LPAR5: variants seen among roughly 807,000 people sequenced by gnomAD.
LPAR5 encodes the protein lysophosphatidic acid receptor 5.
For synonymous variants in LPAR5, 271 were observed against 261.6 expected, an observed-to-expected ratio of 1.04 and a Z score of -0.35; for missense variants, 544 against 521.8, an observed-to-expected ratio of 1.04 and a Z score of -0.41.
Position 6,619,718 on chromosome 12 carries a change from CAG to C in LPAR5, c.*410_*411del, listed in dbSNP as rs1948870338. On this transcript the variant is annotated 3_prime_UTR_variant, in exon 2 of 2. Coordinates refer to ENST00000329858, the MANE Select transcript of LPAR5 (RefSeq NM_020400.6). ...GAAGTCAGCAGATGAACAGGCATCT[CAG>C]TAGCTTTGTCCACCAAACCTGGTGC... 2.8e-6 allele frequency: 1 copy of C among 363,368 alleles called. No individual in the cohort carries two copies. The highest frequency in any genetic ancestry group is 3.7e-5 in the Admixed American group (1 of 26,834). 22.5% of individuals were successfully genotyped at this position (363,368 alleles called of 1,614,324 possible).
chr12:6,632,092 C>T (rs141230209), intron 1 of LPAR5, among the ~76,000 whole-genome samples: 3,507 of 152,296 alleles, frequency 0.023, 62 homozygotes, highest in Non-Finnish European at 0.034. Context: ...CTGCCTCAGC[C>T]CCCTGAGTAG....
Position 6,635,665 on chromosome 12 carries a change from G to A in LPAR5, c.-217+242C>T, listed in dbSNP as rs115774982. On this transcript the variant is annotated intron_variant, in intron 1 of 1. Transcript: ENST00000329858. ...GCCTCTGCGAGATGCCCCAGAGTGG[G>A]GGCTTCAAGCATCAAAGAGGAGCAC... 4.0e-3 allele frequency among the ~76,000 whole-genome samples: 612 copies of A among 152,302 alleles called. 4 individuals are homozygous for A. The highest frequency in any genetic ancestry group is 0.014 in the African/African-American group (601 of 41,548).
chr12:6,632,486 T>C (rs770533048), intron 1 of LPAR5, among the ~76,000 whole-genome samples: 6 of 152,174 alleles, frequency 3.9e-5, no homozygotes, highest in Admixed American at 6.5e-5. Context: ...ACCCACTCGC[T>C]GAATTAGCGA....
At chr12:6,630,895 G>T (rs574146644) in intron 1 of LPAR5, among the ~76,000 whole-genome samples, 20 of 152,336 alleles carry the variant, frequency 1.3e-4, no homozygotes, top group African/African-American at 4.8e-4. Flanking sequence ...GAGCCCTGGG[G>T]CTCCCTTCAG....
Position 6,620,327 on chromosome 12 carries a change from G to C in LPAR5, c.922C>G (p.Leu308Val). Residue 308 changes from leucine to valine, a missense_variant, in exon 2 of 2, where the codon CTG becomes GTG. By Grantham distance (32) the Leu-to-Val change is conservative. Transcript: ENST00000329858. The surrounding 1 kb of genome is among the most constrained non-coding windows in gnomAD (Gnocchi z 6.8). ...YFSAEGFRNT[L>V]RGLGTPHRAR... Reference sequence around the variant, plus strand: ...CGGTGCGGAGTGCCCAGGCCGCGCAGGGTGTTGCGGAAGCCCTCGGCGCTA... The same window carrying C: ...CGGTGCGGAGTGCCCAGGCCGCGCACGGTGTTGCGGAAGCCCTCGGCGCTA... The C allele has an allele frequency of 6.2e-7, 1 of 1,609,774 alleles. No individual in the cohort carries two copies. Among genetic ancestry groups the C allele is most frequent in the South Asian group, 1.1e-5 (1 of 90,762 alleles).
Position 6,619,855 on chromosome 12 carries a change from C to T in LPAR5, c.*275G>A, listed in dbSNP as rs1343113062. The T allele has an allele frequency of 2.1e-5, 13 of 630,572 alleles. No individual in the cohort carries two copies. In the Admixed American group the frequency reaches 2.2e-4, roughly 11 times the overall value. 39.1% of individuals were successfully genotyped at this position (630,572 alleles called of 1,614,324 possible). A position where few individuals can be genotyped will look rare whatever the true frequency, so the allele number is the denominator to read the frequency against. On this transcript the variant is annotated 3_prime_UTR_variant, in exon 2 of 2. Coordinates refer to ENST00000329858, the MANE Select transcript of LPAR5 (RefSeq NM_020400.6). ...CCCTGCCCACCCAAAGGCATTTCGT[C>T]CTCTTCTGCCCTCTGCACGGGTGGG...
In LPAR5 at chr12:6,621,439, G is replaced by T; in HGVS notation, c.-191C>A. The stretch of plus-strand genomic sequence containing the variant: ...GGCTGCCAAGGGTTGGGTGCGTTTG[G>T]TCACAGCTTCATCAGCAGCAGAGAC... On this transcript the variant is annotated 5_prime_UTR_variant, in exon 2 of 2. Coordinates refer to ENST00000329858, the MANE Select transcript of LPAR5 (RefSeq NM_020400.6). 2.1e-6 allele frequency: 1 copy of T among 478,956 alleles called. No individual in the cohort carries two copies. The highest frequency in any genetic ancestry group is 3.6e-6 in the Non-Finnish European group (1 of 280,990). The allele number at this position is 478,956 out of a possible 1,614,324, so 29.7% of individuals were successfully genotyped here. A position where few individuals can be genotyped will look rare whatever the true frequency, so the allele number is the denominator to read the frequency against.
At chr12:6,625,497 G>A (rs1478148056) in intron 1 of LPAR5, among the ~76,000 whole-genome samples, 6 of 151,228 alleles carry the variant, frequency 4.0e-5, no homozygotes, top group East Asian at 2.0e-4. Flanking sequence ...CAAGGCGGGC[G>A]GATCACAAGG....
At chr12:6,632,828 G>A (rs1003212707) in intron 1 of LPAR5, among the ~76,000 whole-genome samples, 9 of 152,304 alleles carry the variant, frequency 5.9e-5, no homozygotes, top group Admixed American at 5.9e-4. Context: ...GGTGGGCGGG[G>A]AGGCCTCCTT....
intron 1 of LPAR5, among the ~76,000 whole-genome samples, chr12:6,627,803 A>G (rs1442860416): frequency 1.3e-5 from 2 of 151,800 alleles, no homozygotes; most frequent in African/African-American, 2.4e-5. Context: ...CTTAACAGGA[A>G]ATCCACCCTC....
chr12:6,620,603 A>C lies in LPAR5; in HGVS notation c.646T>G (p.Trp216Gly). ...AVVYSSGRVFWTLARPDATQS... is the reference protein window; with the variant it reads ...AVVYSSGRVFGTLARPDATQS... ...GTGGCGTCGGGGCGCGCCAGCGTCCAGAAGACTCGGCCCGACGAGTAGACC... is the reference window on the plus strand; with the variant it reads ...GTGGCGTCGGGGCGCGCCAGCGTCCCGAAGACTCGGCCCGACGAGTAGACC... The change falls in exon 2 of 2, where the codon TGG (tryptophan) becomes GGG (glycine). Residue 216 changes from tryptophan to glycine, a missense_variant. Physicochemically the swap from Trp to Gly is radical, Grantham distance 184. Transcript: ENST00000329858. This position sits in a 1 kb window ranked among gnomAD's most constrained non-coding sequence, Gnocchi z 6.8. The C allele has an allele frequency of 6.4e-7, 1 of 1,551,850 alleles. No individual in the cohort carries two copies. The highest frequency in any genetic ancestry group is 2.4e-5 in the East Asian group (1 of 41,260).
intron 1 of LPAR5, among the ~76,000 whole-genome samples, chr12:6,629,017 T>C (rs1455541482): frequency 6.8e-6 from 1 of 146,796 alleles, no homozygotes; most frequent in Non-Finnish European, 1.5e-5. Context: ...GTAATCCGCC[T>C]GCCTTGGCCT....
In LPAR5 at chr12:6,630,433, C is replaced by CTTTTTTTTTTTT. The variant is rs34529805; in HGVS notation, c.-217+5462_-217+5473dup. Among the ~76,000 whole-genome samples the CTTTTTTTTTTTT allele has an allele frequency of 6.2e-4, 26 of 41,826 alleles. 5 individuals carry two copies. Among genetic ancestry groups the CTTTTTTTTTTTT allele is most frequent in the African/African-American group, 1.8e-3 (17 of 9,544 alleles). The allele number at this position is 41,826 out of a possible 152,430, so 27.4% of individuals were successfully genotyped here. The stretch of plus-strand genomic sequence containing the variant: ...GAGTGAACCACTGCACCCAGCCCAT[C>CTTTTTTTTTTTT]TTTTTTTTTTTTTTTTTTTTTTTTT... On this transcript the variant is annotated intron_variant, in intron 1 of 1. Transcript: ENST00000329858.
intron 1 of LPAR5, among the ~76,000 whole-genome samples, chr12:6,633,601 T>C (rs1013433230): frequency 2.0e-5 from 3 of 151,970 alleles, no homozygotes; most frequent in Non-Finnish European, 2.9e-5. Context: ...TTAGTAGAGA[T>C]GGGTTTTCAC....
intron 1 of LPAR5, chr12:6,631,600 G>A (rs1057178638): frequency 6.6e-6 from 1 of 152,308 alleles, no homozygotes; most frequent in African/African-American, 2.4e-5. Flanking sequence ...CAGGGCCTCT[G>A]GGATCTGTCC....
At chr12:6,623,339 A>G (rs894104190) in intron 1 of LPAR5, among the ~76,000 whole-genome samples, 10 of 151,938 alleles carry the variant, frequency 6.6e-5, no homozygotes, top group Admixed American at 1.3e-4. Context: ...TTGAAGACCA[A>G]CCTGGCCAAC....
intron 1 of LPAR5, among the ~76,000 whole-genome samples, chr12:6,632,883 G>C (rs944583433): frequency 1.3e-5 from 2 of 152,112 alleles, no homozygotes; most frequent in Non-Finnish European, 2.9e-5. Context: ...TCTCTGGCAC[G>C]GATCCCGGGT....
intron 1 of LPAR5, 74 bp from the exon 2 acceptor site, chr12:6,621,538 G>T: frequency 3.2e-6 from 1 of 309,056 alleles, no homozygotes. Context: ...CCACTGGCAG[G>T]CCTTCTGAAT....
In LPAR5 at chr12:6,619,582, A is replaced by G. The variant is rs992215796; in HGVS notation, c.*548T>C. 3.0e-5 allele frequency: 6 copies of G among 198,156 alleles called. No individual in the cohort carries two copies. The highest frequency in any genetic ancestry group is 1.6e-4 in the Admixed American group (3 of 18,458). 12.3% of individuals were successfully genotyped at this position (198,156 alleles called of 1,614,324 possible). A position where few individuals can be genotyped will look rare whatever the true frequency, so the allele number is the denominator to read the frequency against. On this transcript the variant is annotated 3_prime_UTR_variant, in exon 2 of 2. Transcript: ENST00000329858. ...CAAGTCTAAATTGTCACAAGTCACT[A>G]TGCGAGAAAGAATGTAGTTCTGTCC... is the stretch of plus-strand genomic sequence containing the variant.
Sources: allele counts gnomAD v4.1 joint callset (sites outside exome capture counted in the v4.1 genomes callset), GRCh38; gene constraint gnomAD v4.1.1; non-coding constraint Gnocchi (gnomAD v3.1); transcripts MANE v1.5; gene names NCBI Gene and HGNC (gene_info 2026-07-23, HGNC 2026-07-21).